The following CNBD1 variants were observed in gnomAD, a reference collection of about 807,000 sequenced individuals.
CNBD1 encodes cyclic nucleotide binding domain containing 1.
CNBD1 carries 71 observed loss-of-function variants against 54.4 expected under a neutral mutation model. That is an observed-to-expected ratio of 1.30 (90% CI 1.08 to 1.59). The LOEUF is 1.59. CNBD1 is among the 40% of genes most tolerant of loss of function. CNBD1 has a pLI of 0.00. For missense variants in CNBD1, 659 were observed against 518.0 expected, an observed-to-expected ratio of 1.27 and a Z score of -2.64; for synonymous variants, 182 against 170.7, an observed-to-expected ratio of 1.07 and a Z score of -0.51.
intron 4 of CNBD1, among the ~76,000 whole-genome samples, chr8:87,026,682 T>C (rs1430039493): frequency 6.6e-6 from 1 of 152,182 alleles, no homozygotes; most frequent in African/African-American, 2.4e-5. Context: ...CAAAAATACA[T>C]CTTTGTTTTC....
At chr8:87,370,200 G>T (rs7844205) in intron 10 of CNBD1, among the ~76,000 whole-genome samples, 79,196 of 150,838 alleles carry the variant, frequency 0.53, 21,435 homozygotes, top group African/African-American at 0.64. Context: ...GTGTGCATGT[G>T]TCTTTATAGC....
rs931079450 is a variant in CNBD1, at chr8:87,377,136, AT to A, written c.1304-5477del. Reference sequence around the variant, plus strand: ...TAATTTTTGTAATTTTATTTTATTTATTTTTTTATGATTATTATTTATATTA... The same window carrying A: ...TAATTTTTGTAATTTTATTTTATTTATTTTTTATGATTATTATTTATATTA... On this transcript the variant is annotated intron_variant, in intron 10 of 10. Transcript: ENST00000518476. Among the ~76,000 whole-genome samples the A allele has an allele frequency of 2.8e-3, 327 of 118,462 alleles. 2 individuals are homozygous for A. Among genetic ancestry groups the A allele is most frequent in the African/African-American group, 9.4e-3 (302 of 31,972 alleles). The allele number at this position is 118,462 out of a possible 152,430, so 77.7% of individuals were successfully genotyped here. A position where few individuals can be genotyped will look rare whatever the true frequency, so the allele number is the denominator to read the frequency against.
chr8:87,327,861 G>T (rs1230716598), intron 8 of CNBD1, among the ~76,000 whole-genome samples: 2 of 152,080 alleles, frequency 1.3e-5, no homozygotes, highest in Non-Finnish European at 2.9e-5. Flanking sequence ...GAGTTTTACA[G>T]TTTAAAGTTT....
intron 4 of CNBD1, among the ~76,000 whole-genome samples, chr8:87,054,613 T>C (rs900846638): frequency 2.6e-5 from 4 of 152,186 alleles, no homozygotes; most frequent in African/African-American, 7.2e-5. Flanking sequence ...ATAGGAGACA[T>C]GATAGCCGCA....
intron 8 of CNBD1, among the ~76,000 whole-genome samples, chr8:87,289,912 T>C (rs1336566001): frequency 6.6e-6 from 1 of 152,156 alleles, no homozygotes; most frequent in Non-Finnish European, 1.5e-5. Context: ...TTCAAGTACC[T>C]GTGATGGTGA....
chr8:87,173,923 A>C (rs948546050), intron 4 of CNBD1, among the ~76,000 whole-genome samples: 1 of 151,252 alleles, frequency 6.6e-6, no homozygotes, highest in African/African-American at 2.4e-5. Flanking sequence ...TATCTTATAA[A>C]TCTTGTAGGC....
intron 4 of CNBD1, among the ~76,000 whole-genome samples, chr8:86,976,594 G>A (rs559658206): frequency 6.6e-6 from 1 of 151,884 alleles, no homozygotes; most frequent in Admixed American, 6.6e-5. Flanking sequence ...AATTTTGATA[G>A]GGATTGAATT....
At chr8:86,907,449 C>T (rs1379470887) in intron 3 of CNBD1, among the ~76,000 whole-genome samples, 1 of 152,020 alleles carries the variant, frequency 6.6e-6, no homozygotes, top group African/African-American at 2.4e-5. Flanking sequence ...GGGCAGATCA[C>T]CTGAAGTTGG....
At chr8:87,375,872 G>T (rs1197500442) in intron 10 of CNBD1, among the ~76,000 whole-genome samples, 1 of 151,864 alleles carries the variant, frequency 6.6e-6, no homozygotes. Context: ...AAGATCCTAT[G>T]TCTGTCTTTT....
In CNBD1 at chr8:87,141,173, C is replaced by T. The variant is rs140268013; in HGVS notation, c.432-64820C>T. ...TACCCTTAGTTTGTAAACAAGTCAT[C>T]TAATTTTCATTTAGCTATATAAGTA... is the stretch of plus-strand genomic sequence containing the variant. On this transcript the variant is annotated intron_variant, in intron 4 of 10. Coordinates refer to ENST00000518476, the MANE Select transcript of CNBD1 (RefSeq NM_173538.3). Among the ~76,000 whole-genome samples, 1,302 of 152,244 alleles carry T rather than the reference C, an allele frequency of 8.6e-3. 11 individuals carry two copies. Among genetic ancestry groups the T allele is most frequent in the Non-Finnish European group, 0.014 (943 of 67,992 alleles).
chr8:87,135,302 G>T (rs1190404132), intron 4 of CNBD1, among the ~76,000 whole-genome samples: 1 of 151,680 alleles, frequency 6.6e-6, no homozygotes, highest in Non-Finnish European at 1.5e-5. Context: ...AGATGGAAAA[G>T]CAAATGTATT....
intron 3 of CNBD1, among the ~76,000 whole-genome samples, chr8:86,909,278 T>C (rs1316565642): frequency 6.6e-6 from 1 of 152,238 alleles, no homozygotes; most frequent in African/African-American, 2.4e-5. Flanking sequence ...AGTTTTTATG[T>C]AAATAGGGAG....
At chr8:87,307,809 T>C (rs1470845452) in intron 8 of CNBD1, among the ~76,000 whole-genome samples, 1 of 150,876 alleles carries the variant, frequency 6.6e-6, no homozygotes, top group Non-Finnish European at 1.5e-5. Context: ...GATTCTAAAC[T>C]AATATCTTTC....
At chr8:87,427,331 G>A (rs895614713) in intron 2 of CNBD1, among the ~76,000 whole-genome samples, 2 of 152,096 alleles carry the variant, frequency 1.3e-5, no homozygotes, top group Non-Finnish European at 2.9e-5. Context: ...GTCATTTAGA[G>A]CAGTATGTAT....
intron 4 of CNBD1, among the ~76,000 whole-genome samples, chr8:87,020,397 G>A (rs1270618547): frequency 6.6e-6 from 1 of 152,036 alleles, no homozygotes; most frequent in East Asian, 1.9e-4. Context: ...CTCACCAAAT[G>A]ACCAAATCAA....
intron 8 of CNBD1, among the ~76,000 whole-genome samples, chr8:87,290,832 GT>G (rs909057884): frequency 4.6e-5 from 7 of 152,100 alleles, no homozygotes; most frequent in African/African-American, 1.4e-4. Flanking sequence ...GAAGACAGCT[GT>G]TAATTTTATT....
Position 87,364,955 on chromosome 8 carries a change from C to T in CNBD1, c.1303+11169C>T, listed in dbSNP as rs554212418. Among the ~76,000 whole-genome samples the T allele has an allele frequency of 1.2e-4, 19 of 152,056 alleles. 1 individual carries two copies. The highest frequency in any genetic ancestry group is 6.2e-4 in the South Asian group (3 of 4,822). ...ATGAGCAGTGCTGCAGTGAACATCG[C>T]TGTGCATGTGTCTTTATAATAGAAC... On this transcript the variant is annotated intron_variant, in intron 10 of 10. Coordinates refer to ENST00000518476, the MANE Select transcript of CNBD1 (RefSeq NM_173538.3).
At chr8:87,224,117 A>G (rs1814416965) in intron 5 of CNBD1, among the ~76,000 whole-genome samples, 1 of 151,422 alleles carries the variant, frequency 6.6e-6, no homozygotes, top group African/African-American at 2.4e-5. Context: ...AATTTGTTTG[A>G]GTTCATTGTA....
At chr8:87,013,406 G>A (rs1377226629) in intron 4 of CNBD1, among the ~76,000 whole-genome samples, 2 of 151,950 alleles carry the variant, frequency 1.3e-5, no homozygotes, top group African/African-American at 2.4e-5. Flanking sequence ...GAGGTTTATG[G>A]CACCTCCACT....
Sources: gnomAD v4.1 joint callset for allele counts (sites outside exome capture counted in the v4.1 genomes callset) on GRCh38, gnomAD v4.1.1 for gene constraint, MANE v1.5 for transcripts, NCBI Gene and HGNC (gene_info 2026-07-23, HGNC 2026-07-21) for gene names.